ZNF624: variants seen among roughly 807,000 people sequenced by gnomAD.
ZNF624 encodes the protein zinc finger protein 624.
In ZNF624, 43 loss-of-function variants were observed where a neutral mutation model predicts 74.7. The observed-to-expected ratio is 0.58, with a 90% confidence interval of 0.45 to 0.74. ZNF624 has a LOEUF of 0.74. Ranked by LOEUF, ZNF624 falls within the 30% of genes least tolerant of loss-of-function variation. ZNF624 has a pLI of 0.00. For missense variants in ZNF624, 820 were observed against 1,030.0 expected (o/e 0.80, Z 2.79); for synonymous variants, 331 against 341.3 (o/e 0.97, Z 0.33).
intron 1 of ZNF624, among the ~76,000 whole-genome samples, chr17:16,652,398 G>C (rs898958325): frequency 6.6e-6 from 1 of 152,096 alleles, no homozygotes; most frequent in Non-Finnish European, 1.5e-5. Flanking sequence ...AATTCCGAAG[G>C]TCTAGAGTAA....
chr17:16,623,346 T>A lies in ZNF624; in HGVS notation c.1540A>T (p.Asn514Tyr). The change falls in exon 6 of 6, where the codon AAT becomes TAT. Residue 514 changes from asparagine to tyrosine, a missense_variant. Asn to Tyr is a moderately radical substitution (Grantham distance 143, BLOSUM62 -2). Coordinates refer to ENST00000311331, the MANE Select transcript of ZNF624 (RefSeq NM_020787.4). This position sits in a 1 kb window ranked among gnomAD's most constrained non-coding sequence, Gnocchi z 5.3. Reference sequence around the variant, plus strand: ...TGAATTCGCTGATGTTCTGTGAAATTTGCGATGCGGTTGAATGCTTTCCCA... The same window carrying A: ...TGAATTCGCTGATGTTCTGTGAAATATGCGATGCGGTTGAATGCTTTCCCA... Reference protein sequence around the residue: ...ECGKAFNRIANFTEHQRIHTG... With the variant: ...ECGKAFNRIAYFTEHQRIHTG... The A allele has an allele frequency of 6.2e-7, 1 of 1,613,322 alleles. No homozygotes were observed. The highest frequency in any genetic ancestry group is 8.5e-7 in the Non-Finnish European group (1 of 1,179,456).
In ZNF624 at chr17:16,624,150, T is replaced by C; in HGVS notation, c.736A>G (p.Ile246Val). The C allele has an allele frequency of 6.2e-7, 1 of 1,614,194 alleles. No homozygotes were observed. Among genetic ancestry groups the C allele is most frequent in the South Asian group, 1.1e-5 (1 of 91,080 alleles). The change falls in exon 6 of 6, where the codon ATA becomes GTA. Residue 246 changes from isoleucine (I) to valine (V), a missense_variant. Physicochemically the swap from Ile to Val is conservative, Grantham distance 29. Transcript: ENST00000311331. ...NLITDTHLGK[I>V]ICKEMKGSKA... ...CTGCCTTTCATCTCCTTGCAAATTA[T>C]CTTCCCCAAATGGGTATCTGTAATC...
At chr17:16,636,817 C>T (rs1460057417) in intron 3 of ZNF624, among the ~76,000 whole-genome samples, 3 of 149,474 alleles carry the variant, frequency 2.0e-5, no homozygotes, top group Non-Finnish European at 4.4e-5. Context: ...GCCTGGTACA[C>T]GAAGAGAGAC....
At chr17:16,647,995 G>C (rs1338280085) in intron 2 of ZNF624, among the ~76,000 whole-genome samples, 4 of 151,794 alleles carry the variant, frequency 2.6e-5, no homozygotes, top group Non-Finnish European at 5.9e-5. Context: ...GAGTGCAGTG[G>C]GGCGATCTTG....
chr17:16,617,836 T>C, downstream of ZNF624: 1 of 1,611,624 alleles, frequency 6.2e-7, no homozygotes, highest in East Asian at 2.2e-5. Context: ...TGGATGGCCT[T>C]CTCCTGGACG....
In ZNF624 at chr17:16,628,862, G is replaced by A. The variant is rs149309922; in HGVS notation, c.377-4353C>T. Among the ~76,000 whole-genome samples the A allele has an allele frequency of 2.7e-4, 41 of 151,862 alleles. 1 individual carries two copies. Among genetic ancestry groups the A allele is most frequent in the East Asian group, 1.2e-3 (6 of 5,168 alleles). On this transcript the variant is annotated intron_variant, in intron 5 of 5. Transcript: ENST00000311331. Reference sequence around the variant, plus strand: ...GAAGAAAACTATATTAAAGTACACAGTAGTAAAACCGTTGAAAACTAAACT... The same window carrying A: ...GAAGAAAACTATATTAAAGTACACAATAGTAAAACCGTTGAAAACTAAACT...
chr17:16,630,007 T>C (rs962206654), intron 5 of ZNF624, among the ~76,000 whole-genome samples: 14 of 152,342 alleles, frequency 9.2e-5, no homozygotes, highest in African/African-American at 3.4e-4. Context: ...TATGGATTCC[T>C]TGGTGCTACA....
intron 3 of ZNF624, among the ~76,000 whole-genome samples, chr17:16,644,689 T>C (rs1284854728): frequency 1.1e-4 from 16 of 152,224 alleles, no homozygotes; most frequent in Non-Finnish European, 2.4e-4. Context: ...AAAGTAAAAT[T>C]CTGCCCTTCC....
At chr17:16,617,603 ACTG>A (rs1908816618), downstream of ZNF624, 1 of 1,593,096 alleles carries the variant, frequency 6.3e-7, no homozygotes, top group Non-Finnish European at 8.6e-7. Flanking sequence ...GATGTCTCCG[ACTG>A]CTGTATCCAC....
chr17:16,649,803 C>A (rs534980329), intron 1 of ZNF624, 57 bp from the exon 2 acceptor site: 2 of 1,429,144 alleles, frequency 1.4e-6, no homozygotes, highest in Non-Finnish European at 2.0e-6. Context: ...TTCAGACTCA[C>A]CAAGTTGGAA....
chr17:16,636,491 A>G (rs189364214), intron 3 of ZNF624, among the ~76,000 whole-genome samples: 2 of 152,326 alleles, frequency 1.3e-5, no homozygotes, highest in African/African-American at 4.8e-5. Flanking sequence ...TATGTCTTCT[A>G]GTGGTATATA....
rs762015945 is a variant in ZNF624, at chr17:16,647,402, G to A, written c.88-8C>T. 3.1e-5 allele frequency: 50 copies of A among 1,613,540 alleles called. No individual in the cohort carries two copies. The highest frequency in any genetic ancestry group is 4.2e-5 in the Non-Finnish European group (50 of 1,179,552). Reference sequence around the variant, plus strand: ...CTGGGTAACTTCAGGGCTCTGATGGGATACAGGATAAGATCATTCAGTGAT... The same window carrying A: ...CTGGGTAACTTCAGGGCTCTGATGGAATACAGGATAAGATCATTCAGTGAT... On this transcript the variant is annotated splice_region_variant and splice_polypyrimidine_tract_variant and intron_variant, in intron 2 of 5. Transcript: ENST00000311331.
At chr17:16,634,232 G>GA (rs1468837961) in intron 4 of ZNF624, among the ~76,000 whole-genome samples, 1 of 152,212 alleles carries the variant, frequency 6.6e-6, no homozygotes, top group Non-Finnish European at 1.5e-5. Flanking sequence ...ATTGTACAGT[G>GA]ATGTTTTAGA....
downstream of ZNF624, among the ~76,000 whole-genome samples, chr17:16,620,494 A>G (rs953733591): frequency 1.3e-5 from 2 of 152,244 alleles, no homozygotes; most frequent in African/African-American, 4.8e-5. Context: ...CAGCCTGGGC[A>G]CAAGTTCCAG....
intron 1 of ZNF624, 96 bp downstream of exon 1, chr17:16,653,668 C>G (rs140918329): frequency 6.5e-6 from 1 of 152,852 alleles, no homozygotes; most frequent in East Asian, 1.9e-4. Flanking sequence ...GACAGGGGCT[C>G]TAGAGGGAAC....
chr17:16,623,484 C>T lies in ZNF624; in HGVS notation c.1402G>A (p.Gly468Arg). ...TCGTTACATCTAAAAGGTTTCTCTC[C>T]AGTATGAATCCTCTGATGCACATTA... is the stretch of plus-strand genomic sequence containing the variant. ...IFNVHQRIHTGEKPFRCNECG... is the reference protein window; with the variant it reads ...IFNVHQRIHTREKPFRCNECG... Residue 468 changes from glycine to arginine, a missense_variant, in exon 6 of 6, where the codon GGA (glycine) becomes AGA (arginine). Gly to Arg is a moderately radical substitution (Grantham distance 125). Coordinates refer to ENST00000311331, the MANE Select transcript of ZNF624 (RefSeq NM_020787.4). The surrounding 1 kb of genome is among the most constrained non-coding windows in gnomAD (Gnocchi z 5.3). 1 of 1,613,338 alleles carries T rather than the reference C, an allele frequency of 6.2e-7. No homozygotes were observed. The highest frequency in any genetic ancestry group is 8.5e-7 in the Non-Finnish European group (1 of 1,179,804).
intron 3 of ZNF624, among the ~76,000 whole-genome samples, chr17:16,637,783 A>G (rs553762931): frequency 1.3e-5 from 2 of 152,326 alleles, no homozygotes; most frequent in South Asian, 2.1e-4. Context: ...AACCTAGGCA[A>G]TACCATTCAG....
At chr17:16,627,578 C>T (rs1484774701) in intron 5 of ZNF624, among the ~76,000 whole-genome samples, 2 of 152,138 alleles carry the variant, frequency 1.3e-5, no homozygotes, top group South Asian at 2.1e-4. Flanking sequence ...CTTCAAATGC[C>T]TGTTAATTCT....
intron 3 of ZNF624, among the ~76,000 whole-genome samples, chr17:16,638,203 G>A (rs1195867918): frequency 6.6e-6 from 1 of 152,182 alleles, no homozygotes; most frequent in Non-Finnish European, 1.5e-5. Context: ...TCATTAAAAA[G>A]TCAGGAAACA....
Sources: allele counts gnomAD v4.1 joint callset (sites outside exome capture counted in the v4.1 genomes callset), GRCh38; gene constraint gnomAD v4.1.1; non-coding constraint Gnocchi (gnomAD v3.1); transcripts MANE v1.5; gene names NCBI Gene and HGNC (gene_info 2026-07-23, HGNC 2026-07-21).